The following IMMP2L variants were observed in gnomAD, a reference collection of about 807,000 sequenced individuals.
IMMP2L encodes mitochondrial inner membrane protease subunit 2.
In IMMP2L, 18 loss-of-function variants were observed where a neutral mutation model predicts 19.3. The ratio of observed to expected loss-of-function variants is 0.93; its 90% CI spans 0.64 to 1.38. The LOEUF (loss-of-function observed/expected upper bound fraction) is 1.38. Ranked by LOEUF, IMMP2L falls within the 40% of genes most tolerant of loss-of-function variation. The probability of loss-of-function intolerance (pLI) is 0.00; values close to 1 mark genes in which losing one functional copy is unlikely to be tolerated. For missense variants in IMMP2L, 233 were observed against 218.2 expected (o/e 1.07, Z -0.43); for synonymous variants, 76 against 73.0 (o/e 1.04, Z -0.21).
chr7:111,481,722 T>C (rs1842206806), intron 3 of IMMP2L, among the ~76,000 whole-genome samples: 3 of 152,160 alleles, frequency 2.0e-5, no homozygotes, highest in Non-Finnish European at 4.4e-5. Flanking sequence ...CTTTGCTTCA[T>C]AGGAACTACC....
chr7:110,953,108 A>G (rs1286464798), intron 4 of IMMP2L, among the ~76,000 whole-genome samples: 1 of 152,150 alleles, frequency 6.6e-6, no homozygotes, highest in Admixed American at 6.5e-5. Flanking sequence ...AATATATTTC[A>G]AGTGCATATT....
At chr7:111,309,718 C>T (rs1823292979) in intron 3 of IMMP2L, among the ~76,000 whole-genome samples, 1 of 152,056 alleles carries the variant, frequency 6.6e-6, no homozygotes, top group Non-Finnish European at 1.5e-5. Context: ...CAACAAATCA[C>T]AGTAGTATTT....
chr7:111,275,198 T>C (rs967545182), intron 3 of IMMP2L, among the ~76,000 whole-genome samples: 2 of 152,098 alleles, frequency 1.3e-5, no homozygotes, highest in Admixed American at 6.6e-5. Context: ...TGTAAGTCAA[T>C]GAGACCACAT....
chr7:110,897,118 C>A (rs1030806658), intron 4 of IMMP2L, among the ~76,000 whole-genome samples: 2 of 151,932 alleles, frequency 1.3e-5, no homozygotes, highest in African/African-American at 2.4e-5. Context: ...TTGGGGAAAG[C>A]CTTTTAAAGT....
At chr7:111,232,989 G>A (rs1164772629) in intron 3 of IMMP2L, among the ~76,000 whole-genome samples, 3 of 152,006 alleles carry the variant, frequency 2.0e-5, no homozygotes, top group East Asian at 3.9e-4. Flanking sequence ...CGATCTCACT[G>A]TATTGCAATT....
At chr7:111,273,375 G>C (rs1036781339) in intron 3 of IMMP2L, among the ~76,000 whole-genome samples, 1 of 152,088 alleles carries the variant, frequency 6.6e-6, no homozygotes, top group Non-Finnish European at 1.5e-5. Flanking sequence ...GCACGAGAAA[G>C]ACAGGGATCA....
intron 3 of IMMP2L, among the ~76,000 whole-genome samples, chr7:111,432,658 G>A (rs949501909): frequency 6.6e-6 from 1 of 151,580 alleles, no homozygotes; most frequent in Admixed American, 6.6e-5. Context: ...ACTGGAAAAG[G>A]ACAAGAATTC....
intron 2 of IMMP2L, among the ~76,000 whole-genome samples, chr7:111,504,317 A>G (rs1006329135): frequency 2.0e-4 from 30 of 152,300 alleles, no homozygotes; most frequent in Admixed American, 3.3e-4. Context: ...CAATGAAATA[A>G]AAGAGGATAT....
chr7:111,278,556 C>G lies in IMMP2L; in HGVS notation c.239+208682G>C, dbSNP rs571163131. On this transcript the variant is annotated intron_variant, in intron 3 of 5. Transcript: ENST00000405709. ...AACATCATTCCAGTTTCTCTCTACA[C>G]ATATACAGACACATCAGTTGCACAC... is the stretch of plus-strand genomic sequence containing the variant. Among the ~76,000 whole-genome samples, 11 of 152,256 alleles carry G rather than the reference C, an allele frequency of 7.2e-5. No individual in the cohort carries two copies. The South Asian group carries it at 2.3e-3, about 32-fold the overall frequency.
At chr7:111,462,302 G>A (rs1840205007) in intron 3 of IMMP2L, among the ~76,000 whole-genome samples, 1 of 151,928 alleles carries the variant, frequency 6.6e-6, no homozygotes. Flanking sequence ...ATCATCACCT[G>A]AATAAGATTA....
intron 3 of IMMP2L, among the ~76,000 whole-genome samples, chr7:111,483,061 C>T (rs1223624255): frequency 6.6e-6 from 1 of 152,010 alleles, no homozygotes; most frequent in Non-Finnish European, 1.5e-5. Flanking sequence ...TAGACCTATT[C>T]GTCTAATAAG....
chr7:110,703,088 C>G (rs1361009207), intron 5 of IMMP2L, among the ~76,000 whole-genome samples: 1 of 151,988 alleles, frequency 6.6e-6, no homozygotes, highest in African/African-American at 2.4e-5. Flanking sequence ...TTATAGGTAC[C>G]TTTTTCAGAA....
intron 1 of IMMP2L, among the ~76,000 whole-genome samples, chr7:111,536,787 A>G (rs1023849276): frequency 6.6e-6 from 1 of 152,274 alleles, no homozygotes; most frequent in African/African-American, 2.4e-5. Context: ...ATATTATATC[A>G]GCATATCCAA....
chr7:110,712,920 G>A (rs6953382), intron 5 of IMMP2L, among the ~76,000 whole-genome samples: 120,534 of 140,590 alleles, frequency 0.86, 51,978 homozygotes, highest in Non-Finnish European at 0.89. Flanking sequence ...GGCACTCCCT[G>A]GTGAGATGAA....
intron 3 of IMMP2L, among the ~76,000 whole-genome samples, chr7:111,140,816 C>A (rs555115635): frequency 3.3e-4 from 50 of 152,268 alleles, no homozygotes; most frequent in Middle Eastern, 6.8e-3. Flanking sequence ...GAAAAATAGT[C>A]TATTCTTCCA....
intron 3 of IMMP2L, among the ~76,000 whole-genome samples, chr7:111,482,177 T>G (rs944416030): frequency 3.3e-5 from 5 of 152,244 alleles, no homozygotes; most frequent in Non-Finnish European, 7.3e-5. Flanking sequence ...CTTGCTATAT[T>G]AGACAGTACA....
chr7:110,816,517 T>A (rs1802533053), intron 5 of IMMP2L, among the ~76,000 whole-genome samples: 1 of 151,764 alleles, frequency 6.6e-6, no homozygotes. Context: ...TTCCTGGGTA[T>A]CCTTGTTAAC....
chr7:111,414,291 A>G (rs1172418663), intron 3 of IMMP2L, among the ~76,000 whole-genome samples: 1 of 151,878 alleles, frequency 6.6e-6, no homozygotes, highest in East Asian at 1.9e-4. Flanking sequence ...TAGCTTCCTG[A>G]ATCAACAAAC....
intron 3 of IMMP2L, among the ~76,000 whole-genome samples, chr7:111,448,972 A>G (rs1053096911): frequency 7.3e-5 from 11 of 150,242 alleles, no homozygotes; most frequent in African/African-American, 2.7e-4. Context: ...AAATGGATAC[A>G]TTCCTCGACA....
Sources: gnomAD v4.1 joint callset for allele counts (sites outside exome capture counted in the v4.1 genomes callset) on GRCh38, gnomAD v4.1.1 for gene constraint, MANE v1.5 for transcripts, NCBI Gene and HGNC (gene_info 2026-07-23, HGNC 2026-07-21) for gene names.